RALYL: variants seen among roughly 807,000 people sequenced by gnomAD.
RALYL encodes the protein RNA-binding Raly-like protein.
A neutral mutation model predicts 35.1 loss-of-function variants in RALYL; 29 were observed. The observed-to-expected ratio is 0.83, with a 90% confidence interval of 0.61 to 1.13. RALYL has a LOEUF of 1.13. RALYL is among the 50% of genes most tolerant of loss of function. The pLI is 0.00. For missense variants in RALYL, 359 were observed against 360.4 expected (o/e 1.00, Z 0.03); for synonymous variants, 120 against 127.6 (o/e 0.94, Z 0.40).
At chr8:84,898,695 T>A (rs776092865) in intron 8 of RALYL, among the ~76,000 whole-genome samples, 2 of 152,162 alleles carry the variant, frequency 1.3e-5, no homozygotes, top group Non-Finnish European at 2.9e-5. Flanking sequence ...TAGTGTATCA[T>A]TGCAATTAAA....
chr8:84,732,632 G>A (rs1846392321), intron 2 of RALYL, among the ~76,000 whole-genome samples: 1 of 145,618 alleles, frequency 6.9e-6, no homozygotes, highest in African/African-American at 2.6e-5. Context: ...TAATTTATCT[G>A]AGAAGTCTAA....
At chr8:84,343,432 A>G (rs989702161) in intron 1 of RALYL, among the ~76,000 whole-genome samples, 2 of 152,058 alleles carry the variant, frequency 1.3e-5, no homozygotes, top group African/African-American at 4.8e-5. Context: ...CATCCAAATA[A>G]TACAAAATTG....
At chr8:84,280,478 T>A (rs1414026267) in intron 1 of RALYL, among the ~76,000 whole-genome samples, 1 of 152,062 alleles carries the variant, frequency 6.6e-6, no homozygotes, top group Non-Finnish European at 1.5e-5. Context: ...ATTTACAAAG[T>A]TTAAACAAAA....
intron 1 of RALYL, among the ~76,000 whole-genome samples, chr8:84,260,994 T>A (rs1246891244): frequency 6.6e-6 from 1 of 152,170 alleles, no homozygotes; most frequent in Non-Finnish European, 1.5e-5. Flanking sequence ...GATCTTGAAT[T>A]TTTATGATCT....
At chr8:84,284,182 C>A (rs978801812) in intron 1 of RALYL, among the ~76,000 whole-genome samples, 1 of 152,154 alleles carries the variant, frequency 6.6e-6, no homozygotes, top group South Asian at 2.1e-4. Flanking sequence ...CGATGAGATG[C>A]GGTCTCATTC....
At position 84,529,535 on chromosome 8, in the gene RALYL, G is replaced by A. The variant is rs1289021308; in HGVS notation, c.214G>A (p.Val72Met). The change falls in exon 2 of 9, where the codon GTG becomes ATG. Residue 72 changes from valine to methionine, a missense_variant. By Grantham distance (21) the Val-to-Met change is conservative. Coordinates refer to ENST00000521268, the MANE Select transcript of RALYL (RefSeq NM_173848.7). ...YMSERHARAA[V>M]AGENARVIAG... is the part of the protein sequence containing the mutation. ...GAGTGAGCGACATGCAAGAGCTGCA[G>A]TGGCTGGAGAAAATGCCAGAGTCAT... 1.2e-6 allele frequency: 2 copies of A among 1,611,260 alleles called. No individual in the cohort carries two copies. Among genetic ancestry groups the A allele is most frequent in the African/African-American group, 1.3e-5 (1 of 74,906 alleles).
intron 1 of RALYL, among the ~76,000 whole-genome samples, chr8:84,330,019 A>G (rs1051439199): frequency 7.0e-6 from 1 of 142,046 alleles, no homozygotes; most frequent in African/African-American, 2.5e-5. Context: ...ATGAATATGT[A>G]AAGAATTCAT....
intron 1 of RALYL, among the ~76,000 whole-genome samples, chr8:84,258,097 G>C (rs907609088): frequency 1.3e-5 from 2 of 152,108 alleles, no homozygotes; most frequent in Non-Finnish European, 2.9e-5. Flanking sequence ...GGTGTCTGAA[G>C]CCTGGGGGCC....
chr8:84,862,619 C>G (rs946542459), intron 6 of RALYL, among the ~76,000 whole-genome samples, 166 bp downstream of exon 6: 1 of 152,178 alleles, frequency 6.6e-6, no homozygotes, highest in African/African-American at 2.4e-5. Context: ...TGCTTTCCAC[C>G]ATACTGTGTT....
chr8:84,257,941 G>T (rs994020440), intron 1 of RALYL, among the ~76,000 whole-genome samples: 6 of 152,156 alleles, frequency 3.9e-5, no homozygotes, highest in South Asian at 2.1e-4. Flanking sequence ...AAGCAAGTTG[G>T]ATAGTAACAG....
intron 2 of RALYL, among the ~76,000 whole-genome samples, chr8:84,586,747 C>T (rs146382430): frequency 3.3e-5 from 5 of 152,076 alleles, no homozygotes; most frequent in African/African-American, 1.2e-4. Context: ...GGTTAAAGGT[C>T]AATCCCATAT....
chr8:84,869,917 C>A (rs1839888396), intron 6 of RALYL, among the ~76,000 whole-genome samples: 1 of 152,148 alleles, frequency 6.6e-6, no homozygotes, highest in Admixed American at 6.6e-5. Flanking sequence ...AAGGCACAAT[C>A]ATTTTGTCAA....
At chr8:84,200,419 G>T (rs996100604) in intron 1 of RALYL, among the ~76,000 whole-genome samples, 3 of 151,984 alleles carry the variant, frequency 2.0e-5, no homozygotes, top group Non-Finnish European at 4.4e-5. Context: ...TAAGATAGAA[G>T]TTACTACTTA....
chr8:84,792,561 T>C (rs1821044352), intron 3 of RALYL, among the ~76,000 whole-genome samples: 1 of 152,132 alleles, frequency 6.6e-6, no homozygotes, highest in African/African-American at 2.4e-5. Context: ...CCTTTTCTCA[T>C]TTAGGGCCAC....
intron 1 of RALYL, among the ~76,000 whole-genome samples, chr8:84,223,628 A>G (rs1014246464): frequency 6.6e-6 from 1 of 152,182 alleles, no homozygotes; most frequent in Non-Finnish European, 1.5e-5. Context: ...TAGCTCTCAG[A>G]ACAGAGTATT....
intron 8 of RALYL, among the ~76,000 whole-genome samples, chr8:84,896,853 T>C (rs1030425258): frequency 2.0e-5 from 3 of 152,170 alleles, no homozygotes; most frequent in Non-Finnish European, 4.4e-5. Context: ...TGCAAATTTT[T>C]TGGAGTCAGA....
At chr8:84,356,060 T>A (rs1044710748) in intron 1 of RALYL, among the ~76,000 whole-genome samples, 1 of 150,066 alleles carries the variant, frequency 6.7e-6, no homozygotes, top group African/African-American at 2.5e-5. Context: ...TCTGTCTCTC[T>A]CCTGCCACCT....
intron 2 of RALYL, chr8:84,705,882 G>T (rs894876068): frequency 6.9e-7 from 1 of 1,455,958 alleles, no homozygotes; most frequent in East Asian, 2.5e-5. Flanking sequence ...TATGAGAATG[G>T]TATTACCCTG....
intron 1 of RALYL, among the ~76,000 whole-genome samples, chr8:84,462,245 G>A (rs2050885203): frequency 6.6e-6 from 1 of 150,846 alleles, no homozygotes; most frequent in African/African-American, 2.4e-5. Flanking sequence ...TATCTTCTTT[G>A]ATGAGATGTT....
Sources: allele counts gnomAD v4.1 joint callset (sites outside exome capture counted in the v4.1 genomes callset), GRCh38; gene constraint gnomAD v4.1.1; transcripts MANE v1.5; gene names NCBI Gene and HGNC (gene_info 2026-07-23, HGNC 2026-07-21).